The following VPS13B variants were observed in gnomAD, a reference collection of about 807,000 sequenced individuals.
The protein encoded by VPS13B is intermembrane lipid transfer protein VPS13B.
In VPS13B, 285 loss-of-function variants were observed where a neutral mutation model predicts 426.4. That is an observed-to-expected ratio of 0.67 (90% confidence interval 0.61 to 0.74). The LOEUF (loss-of-function observed/expected upper bound fraction) is 0.74, where lower values mean the gene tolerates loss of function less well. Among genes scored for constraint, VPS13B ranks in the 30% least tolerant of loss-of-function variants. The pLI, the probability that VPS13B is intolerant of heterozygous loss-of-function variation, is 0.00. For missense variants in VPS13B, 4,537 were observed against 4,782.6 expected (o/e 0.95, Z 1.51); for synonymous variants, 1,676 against 1,676.4 (o/e 1.00, Z 0.01).
intron 21 of VPS13B, among the ~76,000 whole-genome samples, chr8:99,410,356 A>G (rs1053186511): frequency 6.6e-6 from 1 of 151,982 alleles, no homozygotes; most frequent in Non-Finnish European, 1.5e-5. Context: ...CTTCACTCAC[A>G]CTAAACTACT....
intron 22 of VPS13B, 78 bp from the exon 23 acceptor site, chr8:99,442,323 T>C: frequency 8.0e-7 from 1 of 1,256,184 alleles, no homozygotes; most frequent in Non-Finnish European, 1.2e-6. Flanking sequence ...TTTGGTTGTT[T>C]ATTCTGGCGA....
At chr8:99,258,180 G>T (rs897078328) in intron 17 of VPS13B, among the ~76,000 whole-genome samples, 3 of 148,484 alleles carry the variant, frequency 2.0e-5, no homozygotes, top group Non-Finnish European at 3.0e-5. Flanking sequence ...AGAGAAAAAA[G>T]CACTCTAATA....
chr8:99,459,141 G>A (rs1012003012), intron 23 of VPS13B, among the ~76,000 whole-genome samples: 2 of 152,092 alleles, frequency 1.3e-5, no homozygotes, highest in East Asian at 1.9e-4. Flanking sequence ...TTAACGTCTA[G>A]CATATGGTCT....
chr8:99,213,741 G>A (rs141798687), intron 17 of VPS13B, among the ~76,000 whole-genome samples: 1 of 151,934 alleles, frequency 6.6e-6, no homozygotes, highest in East Asian at 1.9e-4. Context: ...TTGACTGTGG[G>A]CTTAGCTTTA....
At chr8:99,565,604 T>C (rs746336171) in intron 31 of VPS13B, among the ~76,000 whole-genome samples, 1 of 152,192 alleles carries the variant, frequency 6.6e-6, no homozygotes, top group Non-Finnish European at 1.5e-5. Context: ...AGATCTCTTT[T>C]ATTTTTATTT....
intron 8 of VPS13B, among the ~76,000 whole-genome samples, chr8:99,133,503 G>A (rs1809912196): frequency 6.6e-6 from 1 of 152,086 alleles, no homozygotes; most frequent in Admixed American, 6.5e-5. Flanking sequence ...TAATGACTGG[G>A]CCAACTGTTT....
intron 8 of VPS13B, among the ~76,000 whole-genome samples, chr8:99,129,569 T>TAA (rs36029878): frequency 1.8e-4 from 14 of 79,106 alleles, no homozygotes; most frequent in Non-Finnish European, 2.8e-4. Flanking sequence ...TGTGTCTCCT[T>TAA]AAAAAAAAAA....
chr8:99,379,821 A>G (rs778346896), intron 19 of VPS13B, among the ~76,000 whole-genome samples: 8 of 152,194 alleles, frequency 5.3e-5, no homozygotes, highest in Non-Finnish European at 8.8e-5. Context: ...AGAACAAATT[A>G]CAGTTCAAGG....
At chr8:99,552,463 AT>A (rs1824329774) in intron 30 of VPS13B, among the ~76,000 whole-genome samples, 2 of 151,890 alleles carry the variant, frequency 1.3e-5, no homozygotes, top group African/African-American at 4.8e-5. Context: ...TCCAGACTGA[AT>A]TTTTGTTCAT....
chr8:99,291,692 G>A (rs972225474), intron 19 of VPS13B, among the ~76,000 whole-genome samples: 3 of 151,984 alleles, frequency 2.0e-5, no homozygotes, highest in Non-Finnish European at 2.9e-5. Flanking sequence ...AATTGAAGAA[G>A]GGAGGACTGA....
chr8:99,158,968 G>A (rs1376924580), intron 15 of VPS13B, among the ~76,000 whole-genome samples: 1 of 152,170 alleles, frequency 6.6e-6, no homozygotes, highest in Non-Finnish European at 1.5e-5. Context: ...ATAGACCTGG[G>A]CAAAGCAAAT....
chr8:99,868,352 C>T lies in VPS13B; in HGVS notation c.11279C>T (p.Ala3760Val). The T allele has an allele frequency of 6.2e-7, 1 of 1,614,140 alleles. No individual in the cohort carries two copies. Among genetic ancestry groups the T allele is most frequent in the East Asian group, 2.2e-5 (1 of 44,878 alleles). ...QNFQKTSEAQASAGHKAKGVI... is the reference protein window; with the variant it reads ...QNFQKTSEAQVSAGHKAKGVI... ...TTCCAGAAAACATCTGAGGCACAGG[C>T]TTCAGCAGGACACAAGGCCAAGGGT... is the stretch of plus-strand genomic sequence containing the variant. Residue 3760 changes from alanine to valine, a missense_variant, in exon 59 of 62, where the codon GCT becomes GTT. Physicochemically the swap from Ala to Val is moderately conservative, Grantham distance 64 (BLOSUM62 0). Around this residue, in one of 2 missense-constraint regions of VPS13B, gnomAD observed 4,311 missense variants for 4,474.3 expected, o/e 0.96. Coordinates refer to ENST00000357162, the MANE Select transcript of VPS13B (RefSeq NM_152564.5).
At chr8:99,217,523 T>C (rs1815453214) in intron 17 of VPS13B, among the ~76,000 whole-genome samples, 1 of 152,224 alleles carries the variant, frequency 6.6e-6, no homozygotes, top group Non-Finnish European at 1.5e-5. Flanking sequence ...AGATATTTTT[T>C]TATTTGAAGA....
intron 33 of VPS13B, among the ~76,000 whole-genome samples, chr8:99,621,820 C>CTTTTTTTTTTTTTTTTTTTTTTTTT (rs749078781): frequency 3.6e-5 from 3 of 83,256 alleles, no homozygotes; most frequent in African/African-American, 4.8e-5. Context: ...TGTTTTGTTT[C>CTTTTTTTTTTTTTTTTTTTTTTTTT]TTTTTTTTTT....
intron 19 of VPS13B, among the ~76,000 whole-genome samples, chr8:99,369,641 G>A (rs1035183495): frequency 7.9e-5 from 12 of 152,138 alleles, no homozygotes; most frequent in Non-Finnish European, 1.5e-4. Context: ...AAATGACACA[G>A]GAAAAGGCTC....
At chr8:99,077,179 A>AT (rs111282675) in intron 3 of VPS13B, among the ~76,000 whole-genome samples, 11,239 of 146,396 alleles carry the variant, frequency 0.077, 632 homozygotes, top group African/African-American at 0.16. Context: ...CTGTTCTTTC[A>AT]TTTTTTTTTT....
intron 17 of VPS13B, among the ~76,000 whole-genome samples, chr8:99,196,522 C>T (rs1438666210): frequency 2.1e-5 from 3 of 142,606 alleles, no homozygotes; most frequent in South Asian, 4.4e-4. Context: ...AGCTGGAGTG[C>T]AGTGGTGTGA....
chr8:99,472,471 G>T (rs1819465729), intron 24 of VPS13B, among the ~76,000 whole-genome samples: 1 of 151,340 alleles, frequency 6.6e-6, no homozygotes, highest in Non-Finnish European at 1.5e-5. Flanking sequence ...ATGGAACAAA[G>T]ACATAATTAT....
At chr8:99,080,079 C>T (rs182982913) in intron 3 of VPS13B, among the ~76,000 whole-genome samples, 1 of 150,598 alleles carries the variant, frequency 6.6e-6, no homozygotes, top group East Asian at 1.9e-4. Context: ...TTATATATAA[C>T]ATTAATGTTT....
Sources: gnomAD v4.1 joint callset for allele counts (sites outside exome capture counted in the v4.1 genomes callset) on GRCh38, gnomAD v4.1.1 for gene constraint, gnomAD v4.1.1 regional missense constraint, MANE v1.5 for transcripts, NCBI Gene and HGNC (gene_info 2026-07-23, HGNC 2026-07-21) for gene names.